The following TECPR2 variants were observed in gnomAD, a reference collection of about 807,000 sequenced individuals.
TECPR2 encodes tectonin beta-propeller repeat-containing protein 2.
In TECPR2, 65 loss-of-function variants were observed where a neutral mutation model predicts 138.1. The observed-to-expected ratio is 0.47, with a 90% CI of 0.39 to 0.58. The LOEUF is 0.58. Among genes scored for constraint, TECPR2 ranks in the 20% least tolerant of loss-of-function variants. The pLI is 0.00. For synonymous variants in TECPR2, 746 were observed against 749.8 expected (o/e 0.99, Z 0.08); for missense variants, 1,553 against 1,824.5 (o/e 0.85, Z 2.71).
At chr14:102,486,342 C>T (rs1323232599) in intron 17 of TECPR2, among the ~76,000 whole-genome samples, 2 of 152,176 alleles carry the variant, frequency 1.3e-5, no homozygotes. Context: ...TTCCGTCACC[C>T]ACGCTGGAGT....
intron 2 of TECPR2, among the ~76,000 whole-genome samples, chr14:102,397,632 A>G (rs560221670): frequency 4.4e-4 from 66 of 151,574 alleles, no homozygotes; most frequent in Admixed American, 1.6e-3. Context: ...TGGTAATCTC[A>G]GCTACTTGGG....
chr14:102,470,881 C>T (rs1312619722), intron 17 of TECPR2, among the ~76,000 whole-genome samples: 2 of 150,894 alleles, frequency 1.3e-5, no homozygotes, highest in Non-Finnish European at 3.0e-5. Context: ...TGCAGTGGCA[C>T]GATCTCAGCT....
At chr14:102,374,085 AAAAAG>A (rs1887580717) in intron 1 of TECPR2, among the ~76,000 whole-genome samples, 1 of 151,634 alleles carries the variant, frequency 6.6e-6, no homozygotes, top group Admixed American at 6.6e-5. Context: ...AAAAAAAAAA[AAAAAG>A]AAAAGAAATA....
At position 102,379,623 on chromosome 14, in the gene TECPR2, A is replaced by C. The variant is rs369659450; in HGVS notation, c.219+2683A>C. 4.7e-3 allele frequency among the ~76,000 whole-genome samples: 712 copies of C among 150,610 alleles called. 6 individuals are homozygous for C. The highest frequency in any genetic ancestry group is 0.017 in the African/African-American group (673 of 40,656). ...TCACAGTCTTAAAATCCATGCACAG[A>C]GGCACCCTAGTCACACTGCTGAAGA... On this transcript the variant is annotated intron_variant, in intron 2 of 19. Transcript: ENST00000359520.
Position 102,440,514 on chromosome 14 carries a change from A to G in TECPR2, c.2657A>G (p.His886Arg). 2 of 1,614,194 alleles carry G rather than the reference A, an allele frequency of 1.2e-6. No homozygotes were observed. Among genetic ancestry groups the G allele is most frequent in the Non-Finnish European group, 1.7e-6 (2 of 1,180,042 alleles). ...CGKVTIKGKR[H>R]WYEALPQAVF... Reference sequence around the variant, plus strand: ...AAAGTCACCATCAAGGGGAAGCGGCACTGGTACGAAGCCCTGCCCCAGGCA... The same window carrying G: ...AAAGTCACCATCAAGGGGAAGCGGCGCTGGTACGAAGCCCTGCCCCAGGCA... Residue 886 changes from histidine to arginine, a missense_variant, in exon 11 of 20, where the codon CAC becomes CGC. By Grantham distance (29) the His-to-Arg change is conservative. Transcript: ENST00000359520.
intron 16 of TECPR2, among the ~76,000 whole-genome samples, chr14:102,456,034 G>A (rs1056353568): frequency 1.4e-4 from 22 of 152,116 alleles, no homozygotes; most frequent in African/African-American, 4.8e-4. Context: ...GATTACAAGT[G>A]TGAGCCACCA....
chr14:102,422,105 A>AT (rs1889199127), intron 5 of TECPR2, among the ~76,000 whole-genome samples: 1 of 152,174 alleles, frequency 6.6e-6, no homozygotes, highest in African/African-American at 2.4e-5. Context: ...CAACCCAGCG[A>AT]TTACCCCACA....
intron 2 of TECPR2, among the ~76,000 whole-genome samples, chr14:102,399,282 AAAAC>A (rs899042993): frequency 7.9e-5 from 12 of 152,198 alleles, no homozygotes; most frequent in Non-Finnish European, 1.6e-4. Flanking sequence ...ACAAAACAAA[AAAAC>A]AAAGTTTGGA....
chr14:102,390,150 TG>T (rs1384970295), intron 2 of TECPR2, among the ~76,000 whole-genome samples: 1 of 152,234 alleles, frequency 6.6e-6, no homozygotes, highest in East Asian at 1.9e-4. Context: ...CCCATGAACC[TG>T]CTCACAAAGA....
At chr14:102,408,784 T>C (rs1888735306) in intron 4 of TECPR2, among the ~76,000 whole-genome samples, 165 bp downstream of exon 4, 1 of 152,254 alleles carries the variant, frequency 6.6e-6, no homozygotes, top group South Asian at 2.1e-4. Context: ...TTTTATAAGC[T>C]TCCACTTCTA....
At chr14:102,418,595 C>T (rs192615588) in intron 5 of TECPR2, among the ~76,000 whole-genome samples, 2 of 149,906 alleles carry the variant, frequency 1.3e-5, no homozygotes, top group African/African-American at 2.5e-5. Flanking sequence ...AGCCCCCTCC[C>T]GTCGGCTTTG....
intron 8 of TECPR2, among the ~76,000 whole-genome samples, chr14:102,432,861 G>C (rs1424827485): frequency 6.6e-6 from 1 of 152,044 alleles, no homozygotes; most frequent in Non-Finnish European, 1.5e-5. Flanking sequence ...TAAATTAGCT[G>C]GGCTTGGTGG....
At chr14:102,385,038 G>A (rs1182084375) in intron 2 of TECPR2, among the ~76,000 whole-genome samples, 1 of 151,514 alleles carries the variant, frequency 6.6e-6, no homozygotes, top group East Asian at 1.9e-4. Flanking sequence ...TGTATGTTTA[G>A]TAGAGACAGG....
In TECPR2 at chr14:102,477,198, C is replaced by T. The variant is rs539862576; in HGVS notation, c.3789+11909C>T. On this transcript the variant is annotated intron_variant, in intron 17 of 19. Transcript: ENST00000359520. ...CAGCCTGGCCAACGTGGTGAAACCC[C>T]GTCTCTATTAAAACTACAAAAGTCA... Among the ~76,000 whole-genome samples, 395 of 152,174 alleles carry T rather than the reference C, an allele frequency of 2.6e-3. 2 individuals carry two copies. Among genetic ancestry groups the T allele is most frequent in the African/African-American group, 6.9e-3 (285 of 41,506 alleles).
chr14:102,385,222 CTT>C (rs781619331), intron 2 of TECPR2, among the ~76,000 whole-genome samples: 8 of 152,012 alleles, frequency 5.3e-5, no homozygotes, highest in Non-Finnish European at 1.2e-4. Flanking sequence ...AAGCCAGACT[CTT>C]TTTAACAACC....
chr14:102,394,808 T>A (rs1888271648), intron 2 of TECPR2, among the ~76,000 whole-genome samples: 1 of 152,148 alleles, frequency 6.6e-6, no homozygotes, highest in South Asian at 2.1e-4. Flanking sequence ...TCTCACAAGG[T>A]CTCGACGGAG....
intron 2 of TECPR2, among the ~76,000 whole-genome samples, chr14:102,397,441 T>C (rs928409005): frequency 2.6e-5 from 4 of 151,968 alleles, no homozygotes; most frequent in South Asian, 2.1e-4. Flanking sequence ...CTTAAAGATA[T>C]GCAAACAACT....
chr14:102,484,767 T>C (rs564627444), intron 17 of TECPR2, among the ~76,000 whole-genome samples: 51 of 152,108 alleles, frequency 3.4e-4, no homozygotes, highest in Non-Finnish European at 5.9e-4. Flanking sequence ...CAAGCAATTC[T>C]CTGCCTCAGC....
chr14:102,389,901 G>T lies in TECPR2; in HGVS notation c.219+12961G>T, dbSNP rs902509792. Among the ~76,000 whole-genome samples the T allele has an allele frequency of 2.6e-5, 4 of 152,196 alleles. No homozygotes were observed. The South Asian group carries it at 6.2e-4, about 24-fold the overall frequency. On this transcript the variant is annotated intron_variant, in intron 2 of 19. Coordinates refer to ENST00000359520, the MANE Select transcript of TECPR2 (RefSeq NM_014844.5). ...TTATTCCAGAAAAGCAGATATCTTT[G>T]TTTAACTTCCAGATCATTAAAAAGT... is the stretch of plus-strand genomic sequence containing the variant.
Sources: allele counts gnomAD v4.1 joint callset (sites outside exome capture counted in the v4.1 genomes callset), GRCh38; gene constraint gnomAD v4.1.1; transcripts MANE v1.5; gene names NCBI Gene and HGNC (gene_info 2026-07-23, HGNC 2026-07-21).